The following PDZD2 variants were observed in gnomAD, a reference collection of about 807,000 sequenced individuals.
The protein encoded by PDZD2 is PDZ domain containing 2.
In PDZD2, 90 loss-of-function variants were observed where a neutral mutation model predicts 220.7. The ratio of observed to expected loss-of-function variants is 0.41; its 90% confidence interval spans 0.34 to 0.49. The LOEUF is 0.49. Among genes scored for constraint, PDZD2 ranks in the 20% least tolerant of loss-of-function variants. The probability of loss-of-function intolerance (pLI) is 0.28; values close to 1 mark genes in which losing one functional copy is unlikely to be tolerated. For synonymous variants in PDZD2, 1,375 were observed against 1,450.5 expected (o/e 0.95, Z 1.18); for missense variants, 3,174 against 3,608.5 (o/e 0.88, Z 3.08).
intron 1 of PDZD2, among the ~76,000 whole-genome samples, chr5:31,697,302 AAAATACAAAAATTAGCC>A (rs1312786569): frequency 1.3e-5 from 2 of 152,150 alleles, no homozygotes; most frequent in African/African-American, 4.8e-5. Context: ...GTCTCTACTA[AAAATACAAAAATTAGCC>A]AGGCGTGGTG....
chr5:32,096,141 G>C (rs1051451558), intron 21 of PDZD2, among the ~76,000 whole-genome samples: 5 of 152,132 alleles, frequency 3.3e-5, no homozygotes, highest in Non-Finnish European at 7.4e-5. Flanking sequence ...CCTCCTAGAA[G>C]CTGGACAAAG....
intron 1 of PDZD2, among the ~76,000 whole-genome samples, chr5:31,792,119 A>T (rs1158492432): frequency 6.6e-6 from 1 of 152,184 alleles, no homozygotes; most frequent in Non-Finnish European, 1.5e-5. Context: ...CTCCCAACAA[A>T]ATAAAGGAAG....
At chr5:31,839,690 G>A (rs562967390) in intron 2 of PDZD2, among the ~76,000 whole-genome samples, 1 of 152,236 alleles carries the variant, frequency 6.6e-6, no homozygotes, top group African/African-American at 2.4e-5. Context: ...GATGTGGTTT[G>A]GCTCTGTCCC....
chr5:31,980,844 C>A (rs970603252), intron 2 of PDZD2, among the ~76,000 whole-genome samples: 3 of 152,102 alleles, frequency 2.0e-5, no homozygotes, highest in Non-Finnish European at 4.4e-5. Context: ...AGTGCAGTGG[C>A]GCGATCTCAG....
chr5:31,920,246 T>C (rs1744095912), intron 2 of PDZD2, among the ~76,000 whole-genome samples: 2 of 152,144 alleles, frequency 1.3e-5, no homozygotes, highest in East Asian at 3.9e-4. Flanking sequence ...AGCGCGCCAC[T>C]GCACTCCAGC....
chr5:31,990,444 G>A (rs1273740596), intron 3 of PDZD2, among the ~76,000 whole-genome samples: 1 of 152,162 alleles, frequency 6.6e-6, no homozygotes, highest in Non-Finnish European at 1.5e-5. Context: ...ACAAAGTCTT[G>A]TTGCCCTTTA....
At chr5:31,830,607 A>T (rs1580843955) in intron 2 of PDZD2, among the ~76,000 whole-genome samples, 1 of 152,034 alleles carries the variant, frequency 6.6e-6, no homozygotes, top group Non-Finnish European at 1.5e-5. Context: ...CTCTGTCATC[A>T]CAGCCATTTC....
chr5:31,909,736 T>C (rs145470165), intron 2 of PDZD2, among the ~76,000 whole-genome samples: 1 of 152,344 alleles, frequency 6.6e-6, no homozygotes, highest in African/African-American at 2.4e-5. Context: ...TAAATGACAT[T>C]AATTTTGAAT....
intron 19 of PDZD2, among the ~76,000 whole-genome samples, chr5:32,080,374 G>GGC (rs1741811804): frequency 6.7e-6 from 1 of 148,482 alleles, no homozygotes; most frequent in African/African-American, 2.5e-5. Context: ...AAAAAAAGTG[G>GGC]GGGGTGAGGG....
intron 2 of PDZD2, among the ~76,000 whole-genome samples, chr5:31,927,705 A>G (rs1347736903): frequency 6.6e-6 from 1 of 151,764 alleles, no homozygotes; most frequent in Non-Finnish European, 1.5e-5. Context: ...TTGAAGTTAG[A>G]CTCTCCTTGC....
intron 1 of PDZD2, among the ~76,000 whole-genome samples, chr5:31,663,383 C>T (rs1021478914): frequency 1.3e-5 from 2 of 152,070 alleles, no homozygotes; most frequent in African/African-American, 4.8e-5. Context: ...CCCCACTGCC[C>T]CAAATGGCAA....
chr5:32,080,378 G>GT (rs1741814250), intron 19 of PDZD2, among the ~76,000 whole-genome samples: 1 of 147,270 alleles, frequency 6.8e-6, no homozygotes, highest in African/African-American at 2.7e-5. Context: ...AAAGTGGGGG[G>GT]TGAGGGGTTT....
Position 32,037,228 on chromosome 5 carries a change from C to T in PDZD2, c.1408-3C>T. 1 of 1,603,540 alleles carries T rather than the reference C, an allele frequency of 6.2e-7. No homozygotes were observed. The highest frequency in any genetic ancestry group is 8.5e-7 in the Non-Finnish European group (1 of 1,170,388). On this transcript the variant is annotated splice_region_variant and splice_polypyrimidine_tract_variant and intron_variant, in intron 6 of 24. Coordinates refer to ENST00000438447, the MANE Select transcript of PDZD2 (RefSeq NM_178140.4). ...CATCAGCTCTGTGCTTTCTGCATTT[C>T]AGATGCCTGGGACAGATGAACCCCA...
At chr5:32,103,448 T>TAA (rs374392500) in intron 24 of PDZD2, 3 of 152,086 alleles carry the variant, frequency 2.0e-5, no homozygotes, top group African/African-American at 7.2e-5. Context: ...CTTGATATAA[T>TAA]AAAGTTTCAG....
intron 2 of PDZD2, among the ~76,000 whole-genome samples, chr5:31,848,579 T>A (rs1021135678): frequency 6.6e-6 from 1 of 151,032 alleles, no homozygotes; most frequent in Non-Finnish European, 1.5e-5. Flanking sequence ...TGAAACCCCG[T>A]CTCTACTAAA....
rs576809783 is a variant in PDZD2 at position 31,800,372 on chromosome 5, G to C, written c.476+648G>C. Among the ~76,000 whole-genome samples, 3 of 152,236 alleles carry C rather than the reference G, an allele frequency of 2.0e-5. No individual in the cohort carries two copies. The South Asian group carries it at 6.2e-4, about 32-fold the overall frequency. ...AGTTCTCCCAGCAATGATGTTTGAC[G>C]CCAACCAGGGACACTCACTCAAATC... On this transcript the variant is annotated intron_variant, in intron 2 of 24. Transcript: ENST00000438447.
intron 2 of PDZD2, among the ~76,000 whole-genome samples, chr5:31,971,753 C>T (rs1427953602): frequency 8.1e-6 from 1 of 123,962 alleles, no homozygotes; most frequent in Admixed American, 9.0e-5. Context: ...CACATTCCTC[C>T]TCTGCTCAAA....
chr5:31,860,007 A>T (rs1580917570), intron 2 of PDZD2, among the ~76,000 whole-genome samples: 1 of 152,146 alleles, frequency 6.6e-6, no homozygotes. Context: ...TCATTGGAGG[A>T]TTCACACCTG....
Position 32,083,347 on chromosome 5 carries a change from C to T in PDZD2, c.3683-3784C>T, listed in dbSNP as rs1371528201. ...GGGCCTGACCTAGCAGGCTGTCCCT[C>T]GCACTGACCACTCTGCTGTCAGCAC... is the stretch of plus-strand genomic sequence containing the variant. On this transcript the variant is annotated intron_variant, in intron 19 of 24. Coordinates refer to ENST00000438447, the MANE Select transcript of PDZD2 (RefSeq NM_178140.4). The surrounding 1 kb of genome is among the most constrained non-coding windows in gnomAD (Gnocchi z 4.1). 1 of 152,198 alleles carries T rather than the reference C, an allele frequency of 6.6e-6. No homozygotes were observed. Among genetic ancestry groups the T allele is most frequent in the African/African-American group, 2.4e-5 (1 of 41,452 alleles). The allele number at this position is 152,198 out of a possible 1,614,324, so 9.4% of individuals were successfully genotyped here. A position where few individuals can be genotyped will look rare whatever the true frequency, so the allele number is the denominator to read the frequency against.
Sources: allele counts gnomAD v4.1 joint callset (sites outside exome capture counted in the v4.1 genomes callset), GRCh38; gene constraint gnomAD v4.1.1; non-coding constraint Gnocchi (gnomAD v3.1); transcripts MANE v1.5; gene names NCBI Gene and HGNC (gene_info 2026-07-23, HGNC 2026-07-21).